Variants in RBM27 observed in about 807,000 individuals in gnomAD.
The protein encoded by RBM27 is RNA-binding protein 27.
Under a neutral mutation model 135.3 loss-of-function variants are expected in RBM27, and 22 were observed. That is an observed-to-expected ratio of 0.16 (90% CI 0.12 to 0.23). The LOEUF (loss-of-function observed/expected upper bound fraction) is 0.23. Ranked by LOEUF, RBM27 falls within the 10% of genes least tolerant of loss-of-function variation. RBM27 has a pLI of 1.00. For synonymous variants in RBM27, 481 were observed against 442.4 expected (o/e 1.09, Z -1.10); for missense variants, 1,009 against 1,281.0 (o/e 0.79, Z 3.24).
At chr5:146,245,581 T>G (rs1458371661) in intron 8 of RBM27, among the ~76,000 whole-genome samples, 1 of 152,228 alleles carries the variant, frequency 6.6e-6, no homozygotes, top group Non-Finnish European at 1.5e-5. Context: ...AGTATAATTC[T>G]AAATTTGAGA....
rs561008048 is a variant in RBM27 at position 146,283,157 on chromosome 5, G to A, written c.2989-1465G>A. On this transcript the variant is annotated intron_variant, in intron 19 of 20. Coordinates refer to ENST00000265271, the MANE Select transcript of RBM27 (RefSeq NM_018989.2). ...ATAAAGAAATGAACAAAACAAGCAGGGAAAGCCTCTCTATAATTGGGCTGT... is the reference window on the plus strand; with the variant it reads ...ATAAAGAAATGAACAAAACAAGCAGAGAAAGCCTCTCTATAATTGGGCTGT... Among the ~76,000 whole-genome samples the A allele has an allele frequency of 3.3e-5, 5 of 152,220 alleles. No individual in the cohort carries two copies. In the South Asian group the frequency reaches 1.0e-3, roughly 32 times the overall value.
intron 1 of RBM27, among the ~76,000 whole-genome samples, chr5:146,211,296 C>CTAAAT (rs1755931041): frequency 2.0e-5 from 3 of 151,692 alleles, no homozygotes; most frequent in Admixed American, 2.0e-4. Context: ...TAAATAAATA[C>CTAAAT]TAAATTGCCT....
At chr5:146,274,466 G>T (rs190402598) in intron 19 of RBM27, among the ~76,000 whole-genome samples, 137 of 152,174 alleles carry the variant, frequency 9.0e-4, no homozygotes, top group African/African-American at 3.2e-3. Context: ...TGCCATGTTG[G>T]CCAGGCTGGT....
At chr5:146,268,671 G>A (rs1217591780) in intron 15 of RBM27, among the ~76,000 whole-genome samples, 1 of 152,052 alleles carries the variant, frequency 6.6e-6, no homozygotes, top group East Asian at 1.9e-4. Flanking sequence ...CAGCCTTGAT[G>A]TCCCAGGCTC....
intron 9 of RBM27, among the ~76,000 whole-genome samples, chr5:146,252,782 A>C (rs1757952669): frequency 6.6e-6 from 1 of 152,182 alleles, no homozygotes; most frequent in East Asian, 1.9e-4. Flanking sequence ...TTTAAGCTAG[A>C]CATATCATTA....
intron 8 of RBM27, among the ~76,000 whole-genome samples, chr5:146,239,634 T>A (rs892692172): frequency 2.0e-5 from 3 of 151,766 alleles, no homozygotes; most frequent in African/African-American, 7.3e-5. Context: ...TGTATCACTA[T>A]ACCCAGCTAA....
chr5:146,252,310 G>C (rs1445447526), intron 9 of RBM27, among the ~76,000 whole-genome samples: 1 of 152,220 alleles, frequency 6.6e-6, no homozygotes, highest in Non-Finnish European at 1.5e-5. Context: ...TGTGCATAAT[G>C]TAGCGATTCT....
In RBM27 at chr5:146,247,011, G is replaced by A. The variant is rs146183203; in HGVS notation, c.1280-4700G>A. Among the ~76,000 whole-genome samples, 13 of 151,882 alleles carry A rather than the reference G, an allele frequency of 8.6e-5. No individual in the cohort carries two copies. In the East Asian group the frequency reaches 1.7e-3, roughly 20 times the overall value. On this transcript the variant is annotated intron_variant, in intron 8 of 20. Coordinates refer to ENST00000265271, the MANE Select transcript of RBM27 (RefSeq NM_018989.2). Reference sequence around the variant, plus strand: ...CATGAGTAGCTGGGAGCACAGATGCGTGCCACCATACCTGGCTGATTTTTA... The same window carrying A: ...CATGAGTAGCTGGGAGCACAGATGCATGCCACCATACCTGGCTGATTTTTA...
intron 19 of RBM27, 146 bp from the exon 20 acceptor site, chr5:146,284,476 T>G (rs973655444): frequency 3.2e-6 from 2 of 633,776 alleles, no homozygotes; most frequent in Non-Finnish European, 2.8e-6. Context: ...GGACTTTATT[T>G]TTTTTAGCTC....
chr5:146,266,753 T>C (rs919281626), intron 14 of RBM27, among the ~76,000 whole-genome samples: 1 of 151,960 alleles, frequency 6.6e-6, no homozygotes, highest in Admixed American at 6.5e-5. Context: ...CTAGGCAACA[T>C]AGAGAGACCC....
At chr5:146,284,503 A>C in intron 19 of RBM27, 119 bp from the exon 20 acceptor site, 1 of 709,714 alleles carries the variant, frequency 1.4e-6, no homozygotes, top group South Asian at 1.6e-5. Context: ...GAGATTGTAG[A>C]TCCACCTTAA....
Position 146,269,291 on chromosome 5 carries a change from G to A in RBM27, c.2526+10G>A. ...AATAGAATGCCAAAAGGTAAGACAA[G>A]AGCTCATTATTTGCATGCTAGAATT... On this transcript the variant is annotated intron_variant, in intron 16 of 20. Transcript: ENST00000265271. The A allele has an allele frequency of 6.3e-7, 1 of 1,589,674 alleles. No individual in the cohort carries two copies. Among genetic ancestry groups the A allele is most frequent in the East Asian group, 2.2e-5 (1 of 44,588 alleles).
chr5:146,273,629 T>G (rs959955409), intron 19 of RBM27, among the ~76,000 whole-genome samples: 1 of 152,228 alleles, frequency 6.6e-6, no homozygotes, highest in Non-Finnish European at 1.5e-5. Context: ...ATACATATTC[T>G]TAGGCATTAT....
At chr5:146,276,643 G>A (rs1487980305) in intron 19 of RBM27, among the ~76,000 whole-genome samples, 1 of 152,152 alleles carries the variant, frequency 6.6e-6, no homozygotes, top group Non-Finnish European at 1.5e-5. Context: ...TTATAGTTAG[G>A]CAGATAGTTT....
chr5:146,248,570 A>G (rs1352529514), intron 8 of RBM27, among the ~76,000 whole-genome samples: 1 of 152,110 alleles, frequency 6.6e-6, no homozygotes, highest in East Asian at 1.9e-4. Flanking sequence ...GGTTCAAGTG[A>G]TTCTTGTGCC....
rs192224869 is a variant in RBM27 at position 146,228,342 on chromosome 5, C to T, written c.304-604C>T. On this transcript the variant is annotated intron_variant, in intron 3 of 20. Transcript: ENST00000265271. Reference sequence around the variant, plus strand: ...TGTTGCCCAGGCTGGAGCGCAGTGGCGTGATCTCGGCTCACTGCAACCTCT... The same window carrying T: ...TGTTGCCCAGGCTGGAGCGCAGTGGTGTGATCTCGGCTCACTGCAACCTCT... 5.5e-4 allele frequency among the ~76,000 whole-genome samples: 76 copies of T among 137,730 alleles called. 1 individual carries two copies. The East Asian group carries it at 0.015, about 28-fold the overall frequency. 90.4% of individuals were successfully genotyped at this position (137,730 alleles called of 152,430 possible).
intron 19 of RBM27, among the ~76,000 whole-genome samples, chr5:146,278,922 C>T (rs937204975): frequency 1.3e-5 from 2 of 151,602 alleles, no homozygotes; most frequent in South Asian, 2.1e-4. Context: ...GGGGTTTCAC[C>T]GTGTTAGCCA....
intron 20 of RBM27, 54 bp downstream of exon 20, chr5:146,284,786 A>AT (rs1159466446): frequency 2.8e-6 from 3 of 1,070,436 alleles, no homozygotes; most frequent in Non-Finnish European, 4.2e-6. Context: ...TCAATTATGT[A>AT]TTTTTTATGA....
chr5:146,231,102 A>G (rs1006173850), intron 6 of RBM27, among the ~76,000 whole-genome samples, 185 bp downstream of exon 6: 1 of 151,232 alleles, frequency 6.6e-6, no homozygotes, highest in Non-Finnish European at 1.5e-5. Context: ...GCTCGCTGCA[A>G]CCTCCATCTC....
Sources: gnomAD v4.1 joint callset for allele counts (sites outside exome capture counted in the v4.1 genomes callset) on GRCh38, gnomAD v4.1.1 for gene constraint, MANE v1.5 for transcripts, NCBI Gene and HGNC (gene_info 2026-07-23, HGNC 2026-07-21) for gene names.